The following ACOT1 variants were observed in gnomAD, a reference collection of about 807,000 sequenced individuals.
ACOT1 encodes the protein acyl-coenzyme A thioesterase 1.
ACOT1 carries 8 observed loss-of-function variants against 15.7 expected under a neutral mutation model. The observed-to-expected ratio is 0.51, with a 90% CI of 0.30 to 0.92. The LOEUF (loss-of-function observed/expected upper bound fraction) is 0.92, where lower values mean the gene tolerates loss of function less well. ACOT1 is among the 40% of genes least tolerant of loss of function. The pLI, the probability that ACOT1 is intolerant of heterozygous loss-of-function variation, is 0.06. For synonymous variants in ACOT1, 67 were observed against 241.2 expected (o/e 0.28, Z 6.69); for missense variants, 151 against 539.4 (o/e 0.28, Z 7.13).
chr14:73,492,407 G>T, the ACOT1 span: 3 of 1,613,810 alleles, frequency 1.9e-6, no homozygotes, highest in East Asian at 4.5e-5. The surrounding 1 kb of genome is among the most constrained non-coding windows in gnomAD (Gnocchi z 4.9). Context: ...TTACATGGGG[G>T]CCCAGCATTC....
chr14:73,497,561 C>CTTGTTGG, the ACOT1 span, among the ~76,000 whole-genome samples: 1 of 152,156 alleles, frequency 6.6e-6, no homozygotes, highest in Admixed American at 6.5e-5. Context: ...GTCTTTTTGA[C>CTTGTTGG]TCTAAAACTT....
chr14:73,490,941 C>T, the ACOT1 span: 2 of 1,279,058 alleles, frequency 1.6e-6, no homozygotes, highest in Non-Finnish European at 2.0e-6. Context: ...CCAGAGTGCA[C>T]CGCAGCCGCT....
At chr14:73,509,820 A>G in the ACOT1 span, among the ~76,000 whole-genome samples, 2 of 12,832 alleles carry the variant, frequency 1.6e-4, 1 homozygote, top group South Asian at 6.8e-3. Flanking sequence ...CCATATATAT[A>G]TATATATATA....
At chr14:73,492,085 C>T in the ACOT1 span, 1 of 1,613,992 alleles carries the variant, frequency 6.2e-7, no homozygotes, top group Non-Finnish European at 8.5e-7. The surrounding 1 kb of genome is among the most constrained non-coding windows in gnomAD (Gnocchi z 4.9). Context: ...GTAGGAAACT[C>T]TGGCGTGTAT....
the ACOT1 span, among the ~76,000 whole-genome samples, chr14:73,513,239 AC>A: frequency 8.2e-4 from 125 of 152,292 alleles, no homozygotes; most frequent in African/African-American, 2.8e-3. Context: ...CGGGGAGATC[AC>A]CTGAAGTCAG....
At chr14:73,537,108 C>G (rs1213830661), upstream of ACOT1, 4 of 245,974 alleles carry the variant, frequency 1.6e-5, 1 homozygote, top group Non-Finnish European at 2.8e-5. Context: ...CTCAGCCTCC[C>G]GAGTAGCCGG....
the ACOT1 span, among the ~76,000 whole-genome samples, chr14:73,509,918 G>A: frequency 7.2e-6 from 1 of 138,580 alleles, no homozygotes; most frequent in African/African-American, 2.7e-5. Context: ...CTGTCACCTG[G>A]GCTGGAGTGC....
chr14:73,526,938 G>T, the ACOT1 span, among the ~76,000 whole-genome samples: 5 of 152,208 alleles, frequency 3.3e-5, no homozygotes, highest in Admixed American at 2.6e-4. Flanking sequence ...GCCCAGTGGG[G>T]AGAGAGATTC....
chr14:73,537,767 C>G lies in ACOT1; in HGVS notation c.346C>G (p.Pro116Ala). ...LEVLDGHDPD[P>A]GRLLCRVRHE... ...GGTGCTGGATGGCCACGACCCCGAC[C>G]CCGGGCGGCTGCTGTGCCGGGTGCG... Residue 116 changes from proline to alanine, a missense_variant, in exon 1 of 3, where the codon CCC becomes GCC. Physicochemically the swap from Pro to Ala is conservative, Grantham distance 27. Coordinates refer to ENST00000311148, the MANE Select transcript of ACOT1 (RefSeq NM_001037161.2). The G allele has an allele frequency of 3.2e-6, 4 of 1,236,360 alleles. 1 individual carries two copies. The highest frequency in any genetic ancestry group is 3.2e-6 in the Non-Finnish European group (3 of 935,066). 76.6% of individuals were successfully genotyped at this position (1,236,360 alleles called of 1,614,324 possible).
chr14:73,502,911 C>T, the ACOT1 span: 2 of 1,613,320 alleles, frequency 1.2e-6, no homozygotes, highest in Non-Finnish European at 1.7e-6. Context: ...ATGTCGTGCA[C>T]CTCTTTCCCG....
At chr14:73,510,594 C>G in the ACOT1 span, among the ~76,000 whole-genome samples, 1 of 152,152 alleles carries the variant, frequency 6.6e-6, no homozygotes, top group Admixed American at 6.5e-5. Flanking sequence ...TGTCACCACG[C>G]CTGGCTAATT....
chr14:73,500,712 T>G, the ACOT1 span: 1 of 1,614,000 alleles, frequency 6.2e-7, no homozygotes, highest in South Asian at 1.1e-5. Flanking sequence ...CCTGGGAATT[T>G]CCTTGACCTA....
At position 73,537,426 on chromosome 14, in the gene ACOT1, C is replaced by G. The variant is rs375905406; in HGVS notation, c.5C>G (p.Ala2Gly). 3.8e-4 allele frequency: 464 copies of G among 1,233,502 alleles called. 142 individuals are homozygous for G. The South Asian group carries it at 5.9e-3, about 16-fold the overall frequency. The allele number at this position is 1,233,502 out of a possible 1,614,324, so 76.4% of individuals were successfully genotyped here. Residue 2 changes from alanine to glycine, a missense_variant, in exon 1 of 3, where the codon GCG (alanine) becomes GGG (glycine). By Grantham distance (60) the Ala-to-Gly change is moderately conservative (BLOSUM62 0). Coordinates refer to ENST00000311148, the MANE Select transcript of ACOT1 (RefSeq NM_001037161.2). M[A>G]ATLILEPAGR... ...ATTATTTGGGTTCCTGCTCGGATGG[C>G]GGCGACGCTGATCCTGGAGCCCGCG...
At chr14:73,528,342 A>G in the ACOT1 span, among the ~76,000 whole-genome samples, 1 of 145,690 alleles carries the variant, frequency 6.9e-6, no homozygotes, top group Non-Finnish European at 1.5e-5. Flanking sequence ...CAGTGAGCCA[A>G]GATCGCGCCA....
the ACOT1 span, chr14:73,522,231 A>C: frequency 6.3e-7 from 1 of 1,583,446 alleles, no homozygotes; most frequent in Non-Finnish European, 8.6e-7. Flanking sequence ...AAGGGGAGTC[A>C]GGGATTATCA....
upstream of ACOT1, among the ~76,000 whole-genome samples, chr14:73,534,696 A>G (rs1431057913): frequency 1.7e-5 from 2 of 114,744 alleles, 1 homozygote; most frequent in Non-Finnish European, 3.8e-5. Flanking sequence ...GTCTTAAAAA[A>G]CAAACAAGCA....
the ACOT1 span, among the ~76,000 whole-genome samples, chr14:73,519,422 G>A: frequency 2.6e-5 from 4 of 152,140 alleles, no homozygotes; most frequent in Non-Finnish European, 4.4e-5. Context: ...TTAGAGGCCT[G>A]GGAGCCAAGG....
chr14:73,509,489 C>T, the ACOT1 span: 233 of 1,612,966 alleles, frequency 1.4e-4, no homozygotes, highest in African/African-American at 2.8e-3. Flanking sequence ...ATCAAAAGAG[C>T]CAGGTAAGAG....
chr14:73,509,810 CCATATATATATA>C, the ACOT1 span, among the ~76,000 whole-genome samples: 1,018 of 63,150 alleles, frequency 0.016, 187 homozygotes, highest in African/African-American at 0.029. Context: ...CCCCATGAGC[CCATATATATATA>C]TATATATATA....
Sources: allele counts gnomAD v4.1 joint callset (sites outside exome capture counted in the v4.1 genomes callset), GRCh38; gene constraint gnomAD v4.1.1; non-coding constraint Gnocchi (gnomAD v3.1); transcripts MANE v1.5; gene names NCBI Gene and HGNC (gene_info 2026-07-23, HGNC 2026-07-21).